ZNF385C: variants seen among roughly 807,000 people sequenced by gnomAD.
ZNF385C encodes CTD-2132N18.2.
A neutral mutation model predicts 35.4 loss-of-function variants in ZNF385C; 28 were observed. The observed-to-expected ratio is 0.79, with a 90% CI of 0.59 to 1.08. The LOEUF (loss-of-function observed/expected upper bound fraction) is 1.08. ZNF385C is among the 50% of genes least tolerant of loss of function. The pLI is 0.00. For synonymous variants in ZNF385C, 248 were observed against 248.2 expected (o/e 1.00, Z 0.01); for missense variants, 605 against 595.6 (o/e 1.02, Z -0.16).
At chr17:42,057,497 T>C (rs1424823273) in intron 2 of ZNF385C, among the ~76,000 whole-genome samples, 36 of 46,890 alleles carry the variant, frequency 7.7e-4, no homozygotes, top group South Asian at 1.3e-3. Context: ...TTTAGGGGTG[T>C]GCGCGCGCGC....
intron 1 of ZNF385C, among the ~76,000 whole-genome samples, chr17:42,076,529 G>A (rs1487913795): frequency 6.6e-6 from 1 of 152,188 alleles, no homozygotes; most frequent in Admixed American, 6.5e-5. Context: ...GGCTGAGGCA[G>A]GAGAATGGTG....
At position 42,054,970 on chromosome 17, in the gene ZNF385C, C is replaced by T. The variant is rs559073393; in HGVS notation, c.250+7837G>A. ...TCCTCTCCATTCACTCCTTCCTCTC[C>T]CTCCTCTTCCTAAAAGCTGGCTCTT... is the stretch of plus-strand genomic sequence containing the variant. On this transcript the variant is annotated intron_variant, in intron 2 of 8. Transcript: ENST00000692273. 2.3e-3 allele frequency among the ~76,000 whole-genome samples: 355 copies of T among 152,216 alleles called. 1 individual carries two copies. Among genetic ancestry groups the T allele is most frequent in the African/African-American group, 8.1e-3 (338 of 41,520 alleles).
chr17:42,039,501 G>C, intron 2 of ZNF385C: 3 of 387,354 alleles, frequency 7.7e-6, no homozygotes, highest in Non-Finnish European at 8.9e-6. Context: ...CACCCGCCCA[G>C]GCCCCTCTTG....
intron 2 of ZNF385C, among the ~76,000 whole-genome samples, chr17:42,045,581 A>G (rs1173181685): frequency 6.6e-6 from 1 of 152,248 alleles, no homozygotes; most frequent in African/African-American, 2.4e-5. Flanking sequence ...TAAGTAGCTG[A>G]GGCTCAATCA....
At chr17:42,042,201 A>G (rs575356760) in intron 2 of ZNF385C, among the ~76,000 whole-genome samples, 1 of 151,974 alleles carries the variant, frequency 6.6e-6, no homozygotes, top group African/African-American at 2.4e-5. Flanking sequence ...ATGAGACCCC[A>G]TCTCTATGTT....
intron 1 of ZNF385C, among the ~76,000 whole-genome samples, chr17:42,073,662 A>G (rs1379026035): frequency 6.6e-6 from 1 of 152,204 alleles, no homozygotes. Flanking sequence ...ACACAGGGGC[A>G]TGGAGCCAAC....
In ZNF385C at chr17:42,039,876, G is replaced by A. The variant is rs930219351; in HGVS notation, c.251-1991C>T. 1.5e-5 allele frequency: 19 copies of A among 1,231,352 alleles called. No individual in the cohort carries two copies. In the African/African-American group the frequency reaches 2.3e-4, roughly 15 times the overall value. 76.3% of individuals were successfully genotyped at this position (1,231,352 alleles called of 1,614,324 possible). ...GCCCCCACCACCGCAGCTCCCGGCT[G>A]CGGCCGACCTTGTCCAGCAGGCCAG... On this transcript the variant is annotated intron_variant, in intron 2 of 8. Transcript: ENST00000692273.
At chr17:42,054,586 T>TG (rs1332941535) in intron 2 of ZNF385C, among the ~76,000 whole-genome samples, 1 of 150,682 alleles carries the variant, frequency 6.6e-6, no homozygotes, top group East Asian at 1.9e-4. Flanking sequence ...GAACTTCTTT[T>TG]TTTTTTTTTT....
intron 1 of ZNF385C, among the ~76,000 whole-genome samples, chr17:42,076,633 C>CA (rs111301047): frequency 2.8e-4 from 42 of 150,436 alleles, no homozygotes; most frequent in Middle Eastern, 3.5e-3. Context: ...AACAAACACA[C>CA]AAAAAAAACA....
chr17:42,088,752 G>A (rs1241816627), intron 1 of ZNF385C, among the ~76,000 whole-genome samples: 2 of 152,226 alleles, frequency 1.3e-5, no homozygotes, highest in African/African-American at 4.8e-5. Flanking sequence ...TAAGGGTGTG[G>A]GAATGGCAGC....
intron 8 of ZNF385C, 97 bp from the exon 9 acceptor site, chr17:42,027,230 G>A (rs1045176755): frequency 3.4e-5 from 39 of 1,145,832 alleles, no homozygotes; most frequent in East Asian, 2.4e-4. Context: ...CAGGGAAAGC[G>A]TGCCTTTTAG....
chr17:42,045,075 GC>G (rs1409150492), intron 2 of ZNF385C, among the ~76,000 whole-genome samples: 2 of 152,152 alleles, frequency 1.3e-5, no homozygotes, highest in Non-Finnish European at 2.9e-5. Flanking sequence ...CCGCCATCAC[GC>G]CCGGCTAATT....
chr17:42,079,487 G>A (rs1312900859), intron 1 of ZNF385C, among the ~76,000 whole-genome samples: 1 of 148,924 alleles, frequency 6.7e-6, no homozygotes, highest in Non-Finnish European at 1.5e-5. Flanking sequence ...CCAGGAGTTT[G>A]AGACTCTATC....
intron 4 of ZNF385C, 46 bp from the exon 5 acceptor site, chr17:42,031,830 C>T: frequency 6.5e-7 from 1 of 1,538,984 alleles, no homozygotes; most frequent in South Asian, 1.2e-5. Flanking sequence ...GCTGAGTCCA[C>T]ATGCCCCATC....
intron 2 of ZNF385C, chr17:42,042,717 G>T (rs1378060245): frequency 5.5e-6 from 4 of 728,014 alleles, no homozygotes; most frequent in Non-Finnish European, 5.7e-6. Context: ...GAAGGGTGAA[G>T]ATATGAATGA....
At chr17:42,089,911 A>G (rs2053847208) in intron 1 of ZNF385C, among the ~76,000 whole-genome samples, 4 of 152,254 alleles carry the variant, frequency 2.6e-5, no homozygotes, top group African/African-American at 9.6e-5. Flanking sequence ...ATAGAGTTCA[A>G]GCTGGAGAAC....
At chr17:42,049,523 G>T (rs1355002230) in intron 2 of ZNF385C, among the ~76,000 whole-genome samples, 1 of 152,222 alleles carries the variant, frequency 6.6e-6, no homozygotes, top group Non-Finnish European at 1.5e-5. Context: ...GAGGGCAGTG[G>T]AGCCAGCCCT....
At chr17:42,040,683 C>T in intron 2 of ZNF385C, 1 of 1,232,300 alleles carries the variant, frequency 8.1e-7, no homozygotes, top group East Asian at 3.2e-5. Flanking sequence ...AGGGCACTGG[C>T]CGAGGCCCTG....
At chr17:42,055,161 C>G (rs1288015170) in intron 2 of ZNF385C, among the ~76,000 whole-genome samples, 2 of 152,122 alleles carry the variant, frequency 1.3e-5, no homozygotes, top group Non-Finnish European at 2.9e-5. Context: ...TCTGGAGCAG[C>G]CAACATTCAC....
Sources: gnomAD v4.1 joint callset for allele counts (sites outside exome capture counted in the v4.1 genomes callset) on GRCh38, gnomAD v4.1.1 for gene constraint, MANE v1.5 for transcripts, NCBI Gene and HGNC (gene_info 2026-07-23, HGNC 2026-07-21) for gene names.